CLIP1: variants seen among roughly 807,000 people sequenced by gnomAD.
CLIP1 encodes the protein CAP-Gly domain containing linker protein 1.
A neutral mutation model predicts 161.6 loss-of-function variants in CLIP1; 66 were observed. The observed-to-expected ratio is 0.41, with a 90% confidence interval of 0.33 to 0.50. CLIP1 has a LOEUF of 0.50. Among genes scored for constraint, CLIP1 ranks in the 20% least tolerant of loss-of-function variants. The probability of loss-of-function intolerance (pLI) is 0.27; values close to 1 mark genes in which losing one functional copy is unlikely to be tolerated. For missense variants in CLIP1, 1,376 were observed against 1,702.0 expected (o/e 0.81, Z 3.37); for synonymous variants, 598 against 626.2 (o/e 0.96, Z 0.67).
intron 1 of CLIP1, among the ~76,000 whole-genome samples, chr12:122,416,751 C>T (rs1360278176): frequency 6.6e-6 from 1 of 151,906 alleles, no homozygotes; most frequent in South Asian, 2.1e-4. Flanking sequence ...AAATATAAAA[C>T]TAGCCGGGTG....
At chr12:122,404,856 C>T (rs1017842149) in intron 1 of CLIP1, among the ~76,000 whole-genome samples, 4 of 150,356 alleles carry the variant, frequency 2.7e-5, no homozygotes, top group African/African-American at 4.9e-5. Context: ...GCCAAGATCG[C>T]GCCACTGCAC....
intron 1 of CLIP1, among the ~76,000 whole-genome samples, chr12:122,391,302 A>G (rs984888469): frequency 6.6e-6 from 1 of 151,118 alleles, no homozygotes; most frequent in Non-Finnish European, 1.5e-5. Flanking sequence ...AAAGAAGAAC[A>G]AGGCCAGGTG....
At chr12:122,299,005 C>G (rs1041633502) in intron 20 of CLIP1, among the ~76,000 whole-genome samples, 1 of 152,130 alleles carries the variant, frequency 6.6e-6, no homozygotes, top group Non-Finnish European at 1.5e-5. Flanking sequence ...GCGGGGGTAT[C>G]GTGACTGCCT....
At chr12:122,382,676 C>T (rs1379962683) in intron 1 of CLIP1, among the ~76,000 whole-genome samples, 1 of 151,518 alleles carries the variant, frequency 6.6e-6, no homozygotes, top group Non-Finnish European at 1.5e-5. Context: ...CTGCACTCCA[C>T]CCTAGGTGGT....
intron 1 of CLIP1, among the ~76,000 whole-genome samples, chr12:122,391,156 C>CG (rs1256080699): frequency 3.9e-5 from 6 of 151,946 alleles, no homozygotes; most frequent in Non-Finnish European, 8.8e-5. Flanking sequence ...GATGTGGTGG[C>CG]GGGCACCTGT....
intron 20 of CLIP1, among the ~76,000 whole-genome samples, chr12:122,289,495 C>T (rs1406677050): frequency 6.6e-6 from 1 of 152,044 alleles, no homozygotes; most frequent in Non-Finnish European, 1.5e-5. Flanking sequence ...CCGCAGAAGT[C>T]AAGTGTCACT....
chr12:122,321,347 G>T (rs1951494553), intron 17 of CLIP1, among the ~76,000 whole-genome samples: 1 of 151,642 alleles, frequency 6.6e-6, no homozygotes, highest in African/African-American at 2.4e-5. Flanking sequence ...CTGGATTCAA[G>T]TGATTCTACT....
At chr12:122,313,043 C>T (rs1262615243) in intron 19 of CLIP1, among the ~76,000 whole-genome samples, 1 of 152,188 alleles carries the variant, frequency 6.6e-6, no homozygotes, top group African/African-American at 2.4e-5. Flanking sequence ...CACAAAGCCA[C>T]CAGTCATCAG....
intron 2 of CLIP1, 92 bp downstream of exon 2, chr12:122,380,276 G>T: frequency 1.1e-5 from 8 of 725,810 alleles, no homozygotes; most frequent in Non-Finnish European, 1.7e-5. Flanking sequence ...ATATTTTCAA[G>T]AATATGAACA....
intron 19 of CLIP1, among the ~76,000 whole-genome samples, chr12:122,316,055 A>C (rs927544498): frequency 6.6e-6 from 1 of 151,920 alleles, no homozygotes; most frequent in Non-Finnish European, 1.5e-5. Context: ...GACATTTCCA[A>C]ATGTTAAGAT....
intron 10 of CLIP1, among the ~76,000 whole-genome samples, chr12:122,347,106 T>C (rs1359074329): frequency 6.6e-6 from 1 of 152,190 alleles, no homozygotes; most frequent in African/African-American, 2.4e-5. Context: ...TCAAATACAG[T>C]TATATCCATT....
At chr12:122,328,201 A>G (rs767905120) in intron 16 of CLIP1, 39 bp from the exon 17 acceptor site, 1 of 1,613,222 alleles carries the variant, frequency 6.2e-7, no homozygotes, top group Non-Finnish European at 8.5e-7. Flanking sequence ...TCATCTGCCC[A>G]TGCGTGTACT....
In CLIP1 at chr12:122,311,100, A is replaced by C. The variant is rs368376999; in HGVS notation, c.3474-1218T>G. On this transcript the variant is annotated intron_variant, in intron 19 of 25. Transcript: ENST00000620786. This position sits in a 1 kb window ranked among gnomAD's most constrained non-coding sequence, Gnocchi z 4.3. ...GATGCATATATATGAATCTCTCTCT[A>C]TATATGTATATATGTATATACATGC... Among the ~76,000 whole-genome samples, 1 of 152,146 alleles carries C rather than the reference A, an allele frequency of 6.6e-6. No homozygotes were observed. Among genetic ancestry groups the C allele is most frequent in the South Asian group, 2.1e-4 (1 of 4,828 alleles).
At position 122,274,159 on chromosome 12, in the gene CLIP1, C is replaced by A. The variant is rs1183580542; in HGVS notation, c.3970G>T (p.Asp1324Tyr). 6.3e-7 allele frequency: 1 copy of A among 1,588,678 alleles called. No homozygotes were observed. Among genetic ancestry groups the A allele is most frequent in the South Asian group, 1.1e-5 (1 of 90,434 alleles). The change falls in exon 25 of 26, where the codon GAT becomes TAT. Residue 1324 changes from aspartate to tyrosine, a missense_variant. Around this residue, in one of 6 missense-constraint regions of CLIP1, gnomAD observed 948 missense variants for 1,134.8 expected, o/e 0.84. Coordinates refer to ENST00000620786, the MANE Select transcript of CLIP1 (RefSeq NM_001247997.2). ...TCCACTATTACTGAATTTAGGAAAT[C>A]AATCTGATTTGTTAAAAAAAAAATG... Reference protein sequence around the residue: ...EDERAQESQIDFLNSVIVDLQ... With the variant: ...EDERAQESQIYFLNSVIVDLQ...
chr12:122,400,757 T>C (rs985679231), intron 1 of CLIP1: 1 of 152,092 alleles, frequency 6.6e-6, no homozygotes, highest in Non-Finnish European at 1.5e-5. Context: ...CAGTAAGAGT[T>C]CAAAAAAGTT....
chr12:122,360,270 T>G (rs1331237753), intron 5 of CLIP1, among the ~76,000 whole-genome samples: 2 of 152,046 alleles, frequency 1.3e-5, no homozygotes, highest in African/African-American at 4.8e-5. Context: ...CTAAAATTAT[T>G]TGAAGTCAAA....
chr12:122,347,969 A>T (rs1032604067), intron 9 of CLIP1, among the ~76,000 whole-genome samples: 1 of 152,200 alleles, frequency 6.6e-6, no homozygotes, highest in Non-Finnish European at 1.5e-5. Context: ...TATAAATCTT[A>T]AACTGTTCAA....
At chr12:122,338,246 G>A (rs1268746814) in intron 11 of CLIP1, among the ~76,000 whole-genome samples, 1 of 152,114 alleles carries the variant, frequency 6.6e-6, no homozygotes, top group African/African-American at 2.4e-5. Context: ...GCTGAAGCAG[G>A]AGAATCCCTT....
chr12:122,354,951 T>A, intron 6 of CLIP1, 164 bp downstream of exon 6: 1 of 646,296 alleles, frequency 1.5e-6, no homozygotes, highest in South Asian at 1.9e-5. Context: ...TCATGGAAAC[T>A]GGCACCCCAG....
Sources: allele counts gnomAD v4.1 joint callset (sites outside exome capture counted in the v4.1 genomes callset), GRCh38; gene constraint gnomAD v4.1.1; regional missense constraint gnomAD v4.1.1; non-coding constraint Gnocchi (gnomAD v3.1); transcripts MANE v1.5; gene names NCBI Gene and HGNC (gene_info 2026-07-23, HGNC 2026-07-21).